ATP8A2: variants seen among roughly 807,000 people sequenced by gnomAD.
ATP8A2 encodes phospholipid-transporting ATPase IB.
A neutral mutation model predicts 165.6 loss-of-function variants in ATP8A2; 100 were observed. The ratio of observed to expected loss-of-function variants is 0.60; its 90% CI spans 0.51 to 0.71. The LOEUF (loss-of-function observed/expected upper bound fraction) is 0.71. Among genes scored for constraint, ATP8A2 ranks in the 30% least tolerant of loss-of-function variants. The pLI, the probability that ATP8A2 is intolerant of heterozygous loss-of-function variation, is 0.00. For synonymous variants in ATP8A2, 543 were observed against 548.8 expected, an observed-to-expected ratio of 0.99 and a Z score of 0.15; for missense variants, 1,227 against 1,479.5, an observed-to-expected ratio of 0.83 and a Z score of 2.80.
chr13:25,529,050 C>T (rs2037945499), intron 2 of ATP8A2, among the ~76,000 whole-genome samples: 1 of 152,030 alleles, frequency 6.6e-6, no homozygotes, highest in African/African-American at 2.4e-5. Flanking sequence ...TTGTTCAATT[C>T]CCTCCCATGA....
intron 23 of ATP8A2, among the ~76,000 whole-genome samples, chr13:25,584,731 C>CA (rs1189132396): frequency 6.6e-6 from 1 of 151,978 alleles, no homozygotes. Flanking sequence ...ATAGCTTTTG[C>CA]AAAAAATGCT....
chr13:25,667,294 A>T (rs59417366), intron 24 of ATP8A2, among the ~76,000 whole-genome samples: 15,936 of 151,872 alleles, frequency 0.1, 1,794 homozygotes, highest in East Asian at 0.37. Flanking sequence ...TGAAATTTGA[A>T]CCCCAGCATG....
At chr13:25,487,397 G>A (rs563737716) in intron 2 of ATP8A2, among the ~76,000 whole-genome samples, 22 of 152,316 alleles carry the variant, frequency 1.4e-4, no homozygotes, top group African/African-American at 9.6e-5. Flanking sequence ...TTTGTAGCCA[G>A]CACTCCTGGT....
At chr13:25,941,455 G>A (rs1264164029) in intron 33 of ATP8A2, among the ~76,000 whole-genome samples, 1 of 152,108 alleles carries the variant, frequency 6.6e-6, no homozygotes, top group Non-Finnish European at 1.5e-5. Context: ...ACCTCTGTAG[G>A]AGGCAGCGTG....
At chr13:25,826,262 G>C (rs1951310580) in intron 27 of ATP8A2, among the ~76,000 whole-genome samples, 1 of 152,270 alleles carries the variant, frequency 6.6e-6, no homozygotes, top group Admixed American at 6.5e-5. Flanking sequence ...AAAGGAAAAA[G>C]AAATTAAGAG....
chr13:25,396,088 C>T (rs939784974), intron 1 of ATP8A2, among the ~76,000 whole-genome samples: 3 of 152,148 alleles, frequency 2.0e-5, no homozygotes, highest in Admixed American at 1.3e-4. Flanking sequence ...GTGGTCTGCC[C>T]GCCTTGGCCT....
intron 17 of ATP8A2, among the ~76,000 whole-genome samples, 195 bp from the exon 18 acceptor site, chr13:25,571,415 T>A (rs1303951577): frequency 1.3e-5 from 2 of 152,234 alleles, no homozygotes; most frequent in African/African-American, 4.8e-5. Flanking sequence ...AAGCCTCCCA[T>A]CTAACAGGAG....
At chr13:25,593,669 T>C (rs1347083200) in intron 24 of ATP8A2, among the ~76,000 whole-genome samples, 2 of 152,150 alleles carry the variant, frequency 1.3e-5, no homozygotes, top group East Asian at 3.8e-4. Flanking sequence ...CAGAAATTGG[T>C]CTGAGAGGAA....
At chr13:25,741,176 C>G (rs974698493) in intron 25 of ATP8A2, among the ~76,000 whole-genome samples, 5 of 152,164 alleles carry the variant, frequency 3.3e-5, no homozygotes, top group Non-Finnish European at 7.3e-5. Flanking sequence ...CACCAATTCT[C>G]AAAAATCATG....
chr13:25,374,509 G>A (rs1291874735), intron 1 of ATP8A2, among the ~76,000 whole-genome samples: 1 of 152,216 alleles, frequency 6.6e-6, no homozygotes, highest in Non-Finnish European at 1.5e-5. Context: ...CTGTTCTACA[G>A]TCTGACGGCA....
chr13:25,565,151 G>C (rs747340120), intron 16 of ATP8A2, among the ~76,000 whole-genome samples: 1 of 152,098 alleles, frequency 6.6e-6, no homozygotes, highest in Admixed American at 6.5e-5. Flanking sequence ...CTCATTGATT[G>C]ATGGGCATTT....
At position 25,589,682 on chromosome 13, in the gene ATP8A2, A is replaced by C; in HGVS notation, c.2194A>C (p.Lys732Gln). The change falls in exon 24 of 37, where the codon AAG (lysine) becomes CAG (glutamine). Residue 732 changes from lysine (K) to glutamine (Q), a missense_variant. Coordinates refer to ENST00000381655, the MANE Select transcript of ATP8A2 (RefSeq NM_016529.6). The stretch of plus-strand genomic sequence containing the variant: ...GCAGAATATGGCCCTTATCCTATTG[A>C]AGGAGGACTCTTTGGATGTAAGTAG... ...VSQNMALILL[K>Q]EDSLDATRAA... The C allele has an allele frequency of 6.2e-7, 1 of 1,609,768 alleles. No homozygotes were observed. Among genetic ancestry groups the C allele is most frequent in the Non-Finnish European group, 8.5e-7 (1 of 1,176,506 alleles).
At position 25,559,009 on chromosome 13, in the gene ATP8A2, A is replaced by G; in HGVS notation, c.1300A>G (p.Thr434Ala). ...CTTTTCTGACAAGACTGGAACGCTT[A>G]CATGCAATATCATGAACTTTAAGAA... ...YLFSDKTGTL[T>A]CNIMNFKKCS... The change falls in exon 14 of 37, where the codon ACA becomes GCA. Residue 434 changes from threonine (T) to alanine (A), a missense_variant. By Grantham distance (58) the Thr-to-Ala change is moderately conservative. Around this residue, in one of 5 missense-constraint regions of ATP8A2, gnomAD observed 592 missense variants for 785.6 expected, o/e 0.75. Transcript: ENST00000381655. 1 of 1,613,056 alleles carries G rather than the reference A, an allele frequency of 6.2e-7. No homozygotes were observed. The highest frequency in any genetic ancestry group is 8.5e-7 in the Non-Finnish European group (1 of 1,179,436).
intron 25 of ATP8A2, among the ~76,000 whole-genome samples, chr13:25,709,023 G>C (rs1211788746): frequency 1.3e-5 from 2 of 151,986 alleles, no homozygotes; most frequent in African/African-American, 4.8e-5. Flanking sequence ...GTTGTTTCTT[G>C]TTAACCAGTT....
At chr13:25,739,978 G>A (rs983616517) in intron 25 of ATP8A2, among the ~76,000 whole-genome samples, 1 of 152,156 alleles carries the variant, frequency 6.6e-6, no homozygotes, top group Non-Finnish European at 1.5e-5. Context: ...CACCACAGTG[G>A]GCTGACCATT....
At chr13:25,433,301 G>C (rs1033549607) in intron 1 of ATP8A2, among the ~76,000 whole-genome samples, 2 of 152,128 alleles carry the variant, frequency 1.3e-5, no homozygotes, top group Non-Finnish European at 2.9e-5. Flanking sequence ...GAGACAGGCT[G>C]TCTTTCTGTC....
At chr13:25,745,491 G>A (rs1224445065) in intron 25 of ATP8A2, among the ~76,000 whole-genome samples, 2 of 152,124 alleles carry the variant, frequency 1.3e-5, no homozygotes, top group African/African-American at 4.8e-5. Context: ...ATGGACATTT[G>A]ATTTGGCATC....
Position 25,788,654 on chromosome 13 carries a change from A to AG in ATP8A2, c.2679+13696dup, listed in dbSNP as rs752092488. ...TCTTCCCTTGCTCTACCTTAAAGAC[A>AG]GCTCTACCTTAAACATGGCTGTTAT... is the stretch of plus-strand genomic sequence containing the variant. On this transcript the variant is annotated intron_variant, in intron 27 of 36. Coordinates refer to ENST00000381655, the MANE Select transcript of ATP8A2 (RefSeq NM_016529.6). Among the ~76,000 whole-genome samples, 8 of 152,352 alleles carry AG rather than the reference A, an allele frequency of 5.3e-5. No homozygotes were observed. The East Asian group carries it at 1.5e-3, about 29-fold the overall frequency.
At chr13:25,932,768 AGTTAATGC>A (rs1954799831) in intron 33 of ATP8A2, among the ~76,000 whole-genome samples, 1 of 152,204 alleles carries the variant, frequency 6.6e-6, no homozygotes, top group African/African-American at 2.4e-5. Flanking sequence ...AAGGAACCAT[AGTTAATGC>A]CCCCCAAATT....
Sources: gnomAD v4.1 joint callset for allele counts (sites outside exome capture counted in the v4.1 genomes callset) on GRCh38, gnomAD v4.1.1 for gene constraint, gnomAD v4.1.1 regional missense constraint, MANE v1.5 for transcripts, NCBI Gene and HGNC (gene_info 2026-07-23, HGNC 2026-07-21) for gene names.